Variants in STPG2 observed in about 807,000 individuals in gnomAD.
STPG2 encodes the protein sperm-tail PG-rich repeat-containing protein 2.
Under a neutral mutation model 54.2 loss-of-function variants are expected in STPG2, and 56 were observed. That is an observed-to-expected ratio of 1.03 (90% CI 0.83 to 1.29). The LOEUF is 1.29. Among genes scored for constraint, STPG2 ranks in the 50% most tolerant of loss-of-function variants. The probability of loss-of-function intolerance (pLI) is 0.00; values close to 1 mark genes in which losing one functional copy is unlikely to be tolerated. For missense variants in STPG2, 596 were observed against 544.9 expected (o/e 1.09, Z -0.93); for synonymous variants, 200 against 181.8 (o/e 1.10, Z -0.81).
intron 9 of STPG2, among the ~76,000 whole-genome samples, chr4:97,808,876 C>G (rs1727653058): frequency 1.3e-5 from 2 of 151,678 alleles, no homozygotes; most frequent in South Asian, 4.1e-4. Flanking sequence ...AAAGCTAAAA[C>G]TAAAAAGTGA....
intron 10 of STPG2, among the ~76,000 whole-genome samples, chr4:97,705,600 A>G (rs1413821230): frequency 6.6e-6 from 1 of 152,104 alleles, no homozygotes; most frequent in East Asian, 1.9e-4. Context: ...TTCTAGGATT[A>G]CAGGTGTGAG....
At chr4:97,907,373 C>T (rs1470993753) in intron 8 of STPG2, among the ~76,000 whole-genome samples, 1 of 152,266 alleles carries the variant, frequency 6.6e-6, no homozygotes, top group Admixed American at 6.5e-5. Flanking sequence ...AAAGAAGATA[C>T]AAACAAATGG....
chr4:98,021,436 C>T (rs1414599806), intron 5 of STPG2, among the ~76,000 whole-genome samples: 1 of 151,152 alleles, frequency 6.6e-6, no homozygotes, highest in Non-Finnish European at 1.5e-5. Flanking sequence ...GCTTTACTTC[C>T]AACTATGTGG....
At chr4:97,851,820 T>A (rs1729167597) in intron 8 of STPG2, among the ~76,000 whole-genome samples, 1 of 152,182 alleles carries the variant, frequency 6.6e-6, no homozygotes, top group Non-Finnish European at 1.5e-5. Flanking sequence ...ACTTTTGACA[T>A]TAGTTTTATA....
chr4:98,025,367 G>T, intron 5 of STPG2: 1 of 322,628 alleles, frequency 3.1e-6, no homozygotes, highest in South Asian at 2.8e-5. Flanking sequence ...AGTGCTGCTG[G>T]GCCTGCAGGC....
chr4:97,700,284 T>C (rs988019753), intron 10 of STPG2, among the ~76,000 whole-genome samples: 1 of 152,178 alleles, frequency 6.6e-6, no homozygotes, highest in Non-Finnish European at 1.5e-5. Context: ...CTGGACCTGT[T>C]ACAGAACCTT....
At chr4:97,819,171 A>G (rs1728008211) in intron 9 of STPG2, among the ~76,000 whole-genome samples, 1 of 151,940 alleles carries the variant, frequency 6.6e-6, no homozygotes, top group Non-Finnish European at 1.5e-5. Context: ...ATCACCTCAG[A>G]AGCATTTCTG....
intron 9 of STPG2, among the ~76,000 whole-genome samples, chr4:97,763,900 G>C (rs1046486583): frequency 6.6e-6 from 1 of 152,050 alleles, no homozygotes; most frequent in Non-Finnish European, 1.5e-5. Context: ...GCATAATGAT[G>C]ATCATGAAAC....
At chr4:98,088,108 G>C (rs529263563) in intron 5 of STPG2, among the ~76,000 whole-genome samples, 1 of 152,326 alleles carries the variant, frequency 6.6e-6, no homozygotes, top group South Asian at 2.1e-4. Context: ...TATGCAGAGG[G>C]AGAGGGATGG....
intron 7 of STPG2, among the ~76,000 whole-genome samples, chr4:97,960,440 C>T (rs1733842019): frequency 6.6e-6 from 1 of 151,914 alleles, no homozygotes; most frequent in African/African-American, 2.4e-5. Context: ...GATTGTATAC[C>T]TAGAAAACCC....
intron 10 of STPG2, among the ~76,000 whole-genome samples, chr4:97,668,132 A>G (rs1722582342): frequency 6.6e-6 from 1 of 152,206 alleles, no homozygotes; most frequent in African/African-American, 2.4e-5. Flanking sequence ...AAAGCAATAT[A>G]TAATGAGTAT....
intron 9 of STPG2, among the ~76,000 whole-genome samples, chr4:97,762,218 A>C (rs1725909900): frequency 6.6e-6 from 1 of 152,176 alleles, no homozygotes. Flanking sequence ...AAGATCTTTT[A>C]ACCTCACAGA....
intron 5 of STPG2, among the ~76,000 whole-genome samples, chr4:98,024,603 T>C (rs1736353935): frequency 1.3e-5 from 2 of 152,240 alleles, no homozygotes. Flanking sequence ...TCTGAATTAG[T>C]ATTTTAATAC....
intron 5 of STPG2, among the ~76,000 whole-genome samples, chr4:98,023,983 G>C (rs544279366): frequency 6.6e-6 from 1 of 152,128 alleles, no homozygotes; most frequent in African/African-American, 2.4e-5. Context: ...TGTGCTTCCC[G>C]AGTGAGGCAA....
At chr4:97,528,706 G>A (rs141201423) in intron 4 of STPG2, among the ~76,000 whole-genome samples, 129 of 152,132 alleles carry the variant, frequency 8.5e-4, no homozygotes, top group African/African-American at 2.9e-3. Flanking sequence ...CCTTAAAGAG[G>A]TCCTTCACAT....
chr4:97,981,756 C>A (rs1204885043), intron 5 of STPG2, among the ~76,000 whole-genome samples: 1 of 149,404 alleles, frequency 6.7e-6, no homozygotes, highest in Non-Finnish European at 1.5e-5. Context: ...TTAGATATCT[C>A]AAAAAAAATC....
chr4:97,474,627 C>G (rs144525672), intron 4 of STPG2, among the ~76,000 whole-genome samples: 1 of 152,046 alleles, frequency 6.6e-6, no homozygotes, highest in African/African-American at 2.4e-5. Context: ...GCCAGAATCC[C>G]TTATGACTTT....
chr4:97,944,048 T>G (rs1733105904), intron 7 of STPG2, 41 bp from the exon 8 acceptor site: 1 of 1,319,298 alleles, frequency 7.6e-7, no homozygotes, highest in South Asian at 1.2e-5. Flanking sequence ...TCATTTATTT[T>G]TATCAATACA....
intron 8 of STPG2, among the ~76,000 whole-genome samples, chr4:97,872,747 C>G (rs2149156452): frequency 6.6e-6 from 1 of 151,206 alleles, no homozygotes; most frequent in Admixed American, 6.6e-5. Context: ...CATTTTGACT[C>G]ACAGATTCCT....
Sources: allele counts gnomAD v4.1 joint callset (sites outside exome capture counted in the v4.1 genomes callset), GRCh38; gene constraint gnomAD v4.1.1; transcripts MANE v1.5; gene names NCBI Gene and HGNC (gene_info 2026-07-23, HGNC 2026-07-21).